The following NDUFAB1 variants were observed in gnomAD, a reference collection of about 807,000 sequenced individuals.
The protein encoded by NDUFAB1 is NADH:ubiquinone oxidoreductase subunit AB1, also known as acyl carrier protein, mitochondrial.
In NDUFAB1, 5 loss-of-function variants were observed where a neutral mutation model predicts 16.1. The observed-to-expected ratio is 0.31, with a 90% CI of 0.16 to 0.65. The LOEUF (loss-of-function observed/expected upper bound fraction) is 0.65. Among genes scored for constraint, NDUFAB1 ranks in the 30% least tolerant of loss-of-function variants. The pLI is 0.77. For missense variants in NDUFAB1, 187 were observed against 205.3 expected, an observed-to-expected ratio of 0.91 and a Z score of 0.54; for synonymous variants, 85 against 78.4, an observed-to-expected ratio of 1.08 and a Z score of -0.44.
chr16:23,585,603 C>T (rs1191245206), intron 2 of NDUFAB1, among the ~76,000 whole-genome samples, 180 bp from the exon 3 acceptor site: 1 of 152,206 alleles, frequency 6.6e-6, no homozygotes. Flanking sequence ...TGTTGGTTTG[C>T]TGCACCCATC....
chr16:23,583,907 G>A (rs1385755584), intron 3 of NDUFAB1, among the ~76,000 whole-genome samples: 1 of 152,020 alleles, frequency 6.6e-6, no homozygotes, highest in African/African-American at 2.4e-5. Context: ...ATTTTGTTCT[G>A]TACTAAGAAA....
chr16:23,589,073 G>A (rs1033080028), intron 1 of NDUFAB1, among the ~76,000 whole-genome samples: 6 of 152,004 alleles, frequency 3.9e-5, no homozygotes, highest in African/African-American at 9.7e-5. Flanking sequence ...GCCGAAGCAG[G>A]CGGATCACGA....
rs1344804954 is a variant in NDUFAB1 at position 23,587,286 on chromosome 16, A to G, written c.202T>C (p.Tyr68His). Reference protein sequence around the residue: ...PGRVTQLCRQYSDMPPLTLEG... With the variant: ...PGRVTQLCRQHSDMPPLTLEG... ...AACGTCAAAGGAGGCATGTCGCTATACTGGCGGCACAACTGTGTAACTCTA... is the reference window on the plus strand; with the variant it reads ...AACGTCAAAGGAGGCATGTCGCTATGCTGGCGGCACAACTGTGTAACTCTA... The change falls in exon 2 of 5, where the codon TAT (tyrosine) becomes CAT (histidine). Residue 68 changes from tyrosine to histidine, a missense_variant. Physicochemically the swap from Tyr to His is moderately conservative, Grantham distance 83. Coordinates refer to ENST00000007516, the MANE Select transcript of NDUFAB1 (RefSeq NM_005003.3). The G allele has an allele frequency of 1.2e-6, 2 of 1,613,986 alleles. No homozygotes were observed. Among genetic ancestry groups the G allele is most frequent in the Non-Finnish European group, 1.7e-6 (2 of 1,179,948 alleles).
intron 2 of NDUFAB1, 105 bp from the exon 3 acceptor site, chr16:23,585,528 A>G (rs915303463): frequency 1.3e-6 from 1 of 763,660 alleles, no homozygotes; most frequent in East Asian, 2.8e-5. Context: ...TGAATTTATT[A>G]TACTTTAAGT....
intron 1 of NDUFAB1, among the ~76,000 whole-genome samples, chr16:23,594,453 A>G (rs1457005676): frequency 1.3e-5 from 2 of 151,406 alleles, no homozygotes; most frequent in African/African-American, 4.9e-5. Context: ...CCTGGGTTCA[A>G]TCGATCCTCC....
At chr16:23,587,996 G>A (rs1473874188) in intron 1 of NDUFAB1, among the ~76,000 whole-genome samples, 1 of 152,226 alleles carries the variant, frequency 6.6e-6, no homozygotes, top group African/African-American at 2.4e-5. Context: ...ACGTATCTCT[G>A]GTATTAGTCG....
chr16:23,585,504 C>T, intron 2 of NDUFAB1, 81 bp from the exon 3 acceptor site: 5 of 940,014 alleles, frequency 5.3e-6, no homozygotes, highest in Non-Finnish European at 8.7e-6. Flanking sequence ...TACAATGCCA[C>T]TTAATCACTA....
intron 1 of NDUFAB1, among the ~76,000 whole-genome samples, chr16:23,591,434 G>A (rs1265436342): frequency 6.6e-6 from 1 of 152,144 alleles, no homozygotes; most frequent in East Asian, 1.9e-4. Context: ...CTAAGGAGAG[G>A]GCTTTAAAGG....
Position 23,582,315 on chromosome 16 carries a change from TA to T in NDUFAB1, c.439del (p.Tyr147ThrfsTer60). On this transcript the variant is annotated frameshift_variant, in exon 4 of 5. Coordinates refer to ENST00000007516, the MANE Select transcript of NDUFAB1 (RefSeq NM_005003.3). LOFTEE classifies it high-confidence loss of function. ...KLMCPQEIVD[Y>X]IADKKDVYE ...ATATACATCCTTCTTATCTGCAATG[TA>T]ATCTACAATTTCTTGTGGACACATT... 1 of 1,577,516 alleles carries T rather than the reference TA, an allele frequency of 6.3e-7. No individual in the cohort carries two copies. Among genetic ancestry groups the T allele is most frequent in the Non-Finnish European group, 8.6e-7 (1 of 1,163,458 alleles).
At chr16:23,588,682 T>G (rs1966253752) in intron 1 of NDUFAB1, among the ~76,000 whole-genome samples, 1 of 152,052 alleles carries the variant, frequency 6.6e-6, no homozygotes, top group Admixed American at 6.5e-5. Flanking sequence ...TCATCTTGCA[T>G]AAAGAACAGG....
At chr16:23,588,944 C>T (rs1966255829) in intron 1 of NDUFAB1, among the ~76,000 whole-genome samples, 1 of 152,048 alleles carries the variant, frequency 6.6e-6, no homozygotes, top group Admixed American at 6.6e-5. Flanking sequence ...CACTGCACTC[C>T]ACCTTGGGCC....
chr16:23,591,507 C>T lies in NDUFAB1; in HGVS notation c.169-4188G>A, dbSNP rs1049556208. ...GGCAGCCCAGACCTCTCAAACTCAA[C>T]AGTTTGGAAATGAACTCCTGACCTG... On this transcript the variant is annotated intron_variant, in intron 1 of 4. Coordinates refer to ENST00000007516, the MANE Select transcript of NDUFAB1 (RefSeq NM_005003.3). Among the ~76,000 whole-genome samples the T allele has an allele frequency of 8.5e-5, 13 of 152,334 alleles. No homozygotes were observed. The East Asian group carries it at 2.5e-3, about 29-fold the overall frequency.
intron 3 of NDUFAB1, among the ~76,000 whole-genome samples, chr16:23,583,100 G>A (rs1320461193): frequency 2.6e-5 from 4 of 152,292 alleles, no homozygotes; most frequent in African/African-American, 9.6e-5. Flanking sequence ...ATTGCAGATG[G>A]AGTCTCGTTC....
At chr16:23,592,984 G>A (rs942812077) in intron 1 of NDUFAB1, among the ~76,000 whole-genome samples, 8 of 152,144 alleles carry the variant, frequency 5.3e-5, no homozygotes, top group African/African-American at 1.7e-4. Context: ...AAGAGAACTC[G>A]GGAGCCCACC....
chr16:23,596,014 C>T (rs1351558085), intron 1 of NDUFAB1, 109 bp downstream of exon 1: 2 of 1,347,178 alleles, frequency 1.5e-6, no homozygotes, highest in East Asian at 5.3e-5. Context: ...CCGGCTGCCC[C>T]CCGGGTCACC....
In NDUFAB1 at chr16:23,583,666, C is replaced by T. The variant is rs1409165737; in HGVS notation, c.380-1291G>A. Among the ~76,000 whole-genome samples the T allele has an allele frequency of 3.9e-4, 48 of 124,654 alleles. 2 individuals are homozygous for T. Among genetic ancestry groups the T allele is most frequent in the African/African-American group, 1.6e-3 (48 of 29,242 alleles). The allele number at this position is 124,654 out of a possible 152,430, so 81.8% of individuals were successfully genotyped here. A position where few individuals can be genotyped will look rare whatever the true frequency, so the allele number is the denominator to read the frequency against. On this transcript the variant is annotated intron_variant, in intron 3 of 4. Coordinates refer to ENST00000007516, the MANE Select transcript of NDUFAB1 (RefSeq NM_005003.3). ...GAGCCCCTCCGCCCGGCAGCCGCCCCGTCTGAGAAGTGAGGAGCCCCTCTG... is the reference window on the plus strand; with the variant it reads ...GAGCCCCTCCGCCCGGCAGCCGCCCTGTCTGAGAAGTGAGGAGCCCCTCTG...
At chr16:23,582,792 T>C (rs1203797520) in intron 3 of NDUFAB1, among the ~76,000 whole-genome samples, 6 of 147,016 alleles carry the variant, frequency 4.1e-5, no homozygotes, top group South Asian at 4.3e-4. Context: ...GGTCTCCCTC[T>C]CCCTCTCCCT....
chr16:23,594,872 T>C (rs974988259), intron 1 of NDUFAB1, among the ~76,000 whole-genome samples: 1 of 152,120 alleles, frequency 6.6e-6, no homozygotes, highest in Admixed American at 6.5e-5. Flanking sequence ...AGGGGTTTCA[T>C]AACTTGACCT....
At chr16:23,595,851 T>C (rs1245656630) in intron 1 of NDUFAB1, among the ~76,000 whole-genome samples, 1 of 152,258 alleles carries the variant, frequency 6.6e-6, no homozygotes, top group East Asian at 1.9e-4. Flanking sequence ...CAGGTGAGTG[T>C]GAGCCAGGCT....
Sources: allele counts gnomAD v4.1 joint callset (sites outside exome capture counted in the v4.1 genomes callset), GRCh38; gene constraint gnomAD v4.1.1; transcripts MANE v1.5; gene names NCBI Gene and HGNC (gene_info 2026-07-23, HGNC 2026-07-21).